NAGPA: variants seen among roughly 807,000 people sequenced by gnomAD.
NAGPA encodes N-acetylglucosamine-1-phosphodiester alpha-N-acetylglucosaminidase.
A neutral mutation model predicts 48.5 loss-of-function variants in NAGPA; 56 were observed. That is an observed-to-expected ratio of 1.15 (90% confidence interval 0.93 to 1.44). The LOEUF is 1.44. NAGPA is among the 40% of genes most tolerant of loss of function. The probability of loss-of-function intolerance (pLI) is 0.00; values close to 1 mark genes in which losing one functional copy is unlikely to be tolerated. For synonymous variants in NAGPA, 399 were observed against 315.5 expected (o/e 1.26, Z -2.81); for missense variants, 888 against 735.0 (o/e 1.21, Z -2.41).
At chr16:5,028,210 G>A (rs376208402) in intron 5 of NAGPA, 25 bp from the exon 6 acceptor site, 294 of 1,551,652 alleles carry the variant, frequency 1.9e-4, no homozygotes, top group Non-Finnish European at 2.4e-4. Context: ...GATGTGTGAG[G>A]AGAGGACACC....
chr16:5,032,537 G>A (rs1956120223), intron 2 of NAGPA, among the ~76,000 whole-genome samples: 2 of 151,758 alleles, frequency 1.3e-5, no homozygotes, highest in African/African-American at 2.4e-5. Flanking sequence ...AAATCAGCCG[G>A]GCGTGGTGGC....
At chr16:5,026,723 C>G (rs945520242) in intron 9 of NAGPA, among the ~76,000 whole-genome samples, 5 of 151,744 alleles carry the variant, frequency 3.3e-5, no homozygotes, top group African/African-American at 1.2e-4. Context: ...TAGTGAGATC[C>G]TATCTCTAAA....
At chr16:5,028,725 G>A (rs1956048259) in intron 5 of NAGPA, 155 bp downstream of exon 5, 2 of 1,162,478 alleles carry the variant, frequency 1.7e-6, no homozygotes, top group Admixed American at 3.4e-5. Context: ...CTAGGCCTGG[G>A]TAGTACTGGC....
intron 9 of NAGPA, 110 bp from the exon 10 acceptor site, chr16:5,025,795 C>A: frequency 9.1e-7 from 1 of 1,101,620 alleles, no homozygotes; most frequent in Non-Finnish European, 1.3e-6. Flanking sequence ...AAATCAGGTG[C>A]CTCCAGGGAC....
intron 7 of NAGPA, 52 bp downstream of exon 7, chr16:5,027,794 G>A: frequency 6.5e-7 from 1 of 1,549,178 alleles, no homozygotes; most frequent in Non-Finnish European, 8.7e-7. Flanking sequence ...GAGCAGTGGG[G>A]GCTGCCGGGG....
chr16:5,028,782 G>T (rs1596662971), intron 5 of NAGPA, 98 bp downstream of exon 5: 1 of 1,591,282 alleles, frequency 6.3e-7, no homozygotes, highest in South Asian at 1.1e-5. Context: ...TGAACCCCCG[G>T]GGCCTGGCAC....
intron 7 of NAGPA, 145 bp from the exon 8 acceptor site, chr16:5,027,524 G>T: frequency 1.2e-6 from 1 of 869,258 alleles, no homozygotes; most frequent in Non-Finnish European, 1.8e-6. Flanking sequence ...TGCCCTCCCT[G>T]GACTAGCCCC....
chr16:5,027,147 G>C lies in NAGPA; in HGVS notation c.1328C>G (p.Ser443Cys), dbSNP rs377590925. Reference protein sequence around the residue: ...PEATLRAGELSFFTRTAWLAL... With the variant: ...PEATLRAGELCFFTRTAWLAL... ...CAGAAGCACCTACCTGGTGAAAAAG[G>C]AGAGTTCTCCCGCCCTCAGGGTGGC... The change falls in exon 9 of 10, where the codon TCC (serine) becomes TGC (cysteine). Residue 443 changes from serine to cysteine, a missense_variant. Coordinates refer to ENST00000312251, the MANE Select transcript of NAGPA (RefSeq NM_016256.4). The C allele has an allele frequency of 1.9e-6, 3 of 1,614,202 alleles. No individual in the cohort carries two copies. Among genetic ancestry groups the C allele is most frequent in the South Asian group, 2.2e-5 (2 of 91,072 alleles).
chr16:5,028,285 C>T (rs1192932759), intron 5 of NAGPA, 100 bp from the exon 6 acceptor site: 2 of 1,537,306 alleles, frequency 1.3e-6, no homozygotes, highest in African/African-American at 1.4e-5. Context: ...TCTCACCTGT[C>T]TACCTACCTA....
At chr16:5,030,670 G>T (rs1956082248) in intron 3 of NAGPA, 177 bp from the exon 4 acceptor site, 1 of 671,154 alleles carries the variant, frequency 1.5e-6, no homozygotes, top group Non-Finnish European at 2.7e-6. Flanking sequence ...CAGCCGGGGG[G>T]TCTCTTCTTA....
intron 5 of NAGPA, 138 bp downstream of exon 5, chr16:5,028,742 G>C (rs1028936147): frequency 1.5e-6 from 2 of 1,370,560 alleles, no homozygotes; most frequent in African/African-American, 1.4e-5. Flanking sequence ...TGGCATCCTG[G>C]GGGAGGGACT....
In NAGPA at chr16:5,033,432, C is replaced by G; in HGVS notation, c.383G>C (p.Arg128Pro). 6.3e-7 allele frequency: 1 copy of G among 1,594,000 alleles called. No individual in the cohort carries two copies. Among genetic ancestry groups the G allele is most frequent in the Non-Finnish European group, 8.5e-7 (1 of 1,178,142 alleles). Residue 128 changes from arginine (R) to proline (P), a missense_variant, in exon 2 of 10, where the codon CGG becomes CCG. Arg to Pro is a moderately radical substitution (Grantham distance 103, BLOSUM62 -2). Transcript: ENST00000312251. The surrounding 1 kb of genome is among the most constrained non-coding windows in gnomAD (Gnocchi z 4.2). ...CTGGGCGACACGGCAGTCGGCCGCCCGCGCCGTCTCCTCCACGGTGGCGCG... is the reference window on the plus strand; with the variant it reads ...CTGGGCGACACGGCAGTCGGCCGCCGGCGCCGTCTCCTCCACGGTGGCGCG... ...RRRATVEETA[R>P]AADCRVAQNG...
chr16:5,030,652 C>T lies in NAGPA; in HGVS notation c.683-159G>A. Reference sequence around the variant, plus strand: ...GCCTCCCCTCTGCACATCCCAGTCTCCCCAGGGCAGCCGGGGGGTCTCTTC... The same window carrying T: ...GCCTCCCCTCTGCACATCCCAGTCTTCCCAGGGCAGCCGGGGGGTCTCTTC... On this transcript the variant is annotated intron_variant, in intron 3 of 9. Coordinates refer to ENST00000312251, the MANE Select transcript of NAGPA (RefSeq NM_016256.4). 4.3e-6 allele frequency: 3 copies of T among 704,706 alleles called. No homozygotes were observed. The South Asian group carries it at 4.6e-5, about 11-fold the overall frequency. The allele number at this position is 704,706 out of a possible 1,614,324, so 43.7% of individuals were successfully genotyped here.
intron 9 of NAGPA, 68 bp downstream of exon 9, chr16:5,027,067 A>G (rs1463151722): frequency 4.4e-6 from 7 of 1,579,032 alleles, no homozygotes; most frequent in Non-Finnish European, 6.1e-6. Context: ...TGGACCTCAC[A>G]GGGGAAGGGT....
At chr16:5,029,297 C>G in intron 4 of NAGPA, 1 of 454,494 alleles carries the variant, frequency 2.2e-6, no homozygotes, top group Non-Finnish European at 4.1e-6. Context: ...AGAGCCTTCT[C>G]TGGCTGGTGA....
chr16:5,031,609 T>C, intron 3 of NAGPA, 136 bp downstream of exon 3: 2 of 1,178,862 alleles, frequency 1.7e-6, no homozygotes, highest in East Asian at 2.3e-5. Flanking sequence ...TTCCTCCCCA[T>C]GAATCCCCAG....
intron 3 of NAGPA, chr16:5,030,782 TTCC>T: frequency 8.5e-6 from 4 of 470,656 alleles, no homozygotes; most frequent in Non-Finnish European, 1.6e-5. Context: ...CCCCAGCCTC[TTCC>T]TCCTCCTGCC....
At chr16:5,026,139 G>A (rs1955995997) in intron 9 of NAGPA, among the ~76,000 whole-genome samples, 1 of 151,478 alleles carries the variant, frequency 6.6e-6, no homozygotes, top group Non-Finnish European at 1.5e-5. Context: ...ATGTTGGCCA[G>A]GCTGGTCTTG....
intron 9 of NAGPA, among the ~76,000 whole-genome samples, chr16:5,026,327 C>G (rs1269419645): frequency 1.3e-5 from 2 of 148,474 alleles, no homozygotes; most frequent in Non-Finnish European, 3.0e-5. Flanking sequence ...GGGCGTATCA[C>G]TTGAGGTCAG....
Sources: allele counts gnomAD v4.1 joint callset (sites outside exome capture counted in the v4.1 genomes callset), GRCh38; gene constraint gnomAD v4.1.1; non-coding constraint Gnocchi (gnomAD v3.1); transcripts MANE v1.5; gene names NCBI Gene and HGNC (gene_info 2026-07-23, HGNC 2026-07-21).